Variants in AKAP11 observed in about 807,000 individuals in gnomAD.
The protein encoded by AKAP11 is A-kinase anchor protein 11.
A neutral mutation model predicts 146.1 loss-of-function variants in AKAP11; 36 were observed. The observed-to-expected ratio is 0.25, with a 90% CI of 0.19 to 0.33. AKAP11 has a LOEUF of 0.33. AKAP11 is among the 10% of genes least tolerant of loss of function. AKAP11 has a pLI of 1.00. For synonymous variants in AKAP11, 780 were observed against 786.5 expected (o/e 0.99, Z 0.14); for missense variants, 2,201 against 2,197.0 (o/e 1.00, Z -0.04).
At position 42,286,411 on chromosome 13, in the gene AKAP11, CTA is replaced by C. The variant is rs1555288515; in HGVS notation, c.51+14_51+15del. 6.3e-7 allele frequency: 1 copy of C among 1,576,440 alleles called. No homozygotes were observed. On this transcript the variant is annotated intron_variant, in intron 3 of 12. Coordinates refer to ENST00000025301, the MANE Select transcript of AKAP11 (RefSeq NM_016248.4). ...CATCTGTCAGAAAAGTAAGTTCACT[CTA>C]TTAGGTTTCTTTTAGTGAAAGTTTT...
chr13:42,312,930 A>T, intron 9 of AKAP11, 117 bp from the exon 10 acceptor site: 1 of 780,398 alleles, frequency 1.3e-6, no homozygotes, highest in Non-Finnish European at 2.1e-6. Context: ...GTTCCCCTTC[A>T]CTGTGGCAGC....
In AKAP11 at chr13:42,300,684, T is replaced by G; in HGVS notation, c.1938T>G (p.Phe646Leu). 6.2e-7 allele frequency: 1 copy of G among 1,614,134 alleles called. No individual in the cohort carries two copies. Among genetic ancestry groups the G allele is most frequent in the Middle Eastern group, 1.6e-4 (1 of 6,062 alleles). ...TATTCACAAACACAGTTGCTAGGTTTGCTGCAGATCTTGCTGAAGAGCTTG... is the reference window on the plus strand; with the variant it reads ...TATTCACAAACACAGTTGCTAGGTTGGCTGCAGATCTTGCTGAAGAGCTTG... ...KQIFTNTVAR[F>L]AADLAEELVF... The change falls in exon 8 of 13, where the codon TTT becomes TTG. Residue 646 changes from phenylalanine to leucine, a missense_variant. Phe to Leu is a conservative substitution (Grantham distance 22). Transcript: ENST00000025301.
chr13:42,300,316 A>G lies in AKAP11; in HGVS notation c.1570A>G (p.Lys524Glu), dbSNP rs754193698. The change falls in exon 8 of 13, where the codon AAA (lysine) becomes GAA (glutamate). Residue 524 changes from lysine to glutamate, a missense_variant. Around this residue, in one of 3 missense-constraint regions of AKAP11, gnomAD observed 1,867 missense variants for 1,833.5 expected, o/e 1.02. Transcript: ENST00000025301. ...NINSIKHGEN[K>E]TVTFKHGNLD... is the part of the protein sequence containing the mutation. The stretch of plus-strand genomic sequence containing the variant: ...TAACAGTATTAAACATGGAGAAAAT[A>G]AAACTGTAACTTTTAAGCATGGAAA... 6.2e-7 allele frequency: 1 copy of G among 1,611,850 alleles called. No individual in the cohort carries two copies. The highest frequency in any genetic ancestry group is 1.1e-5 in the South Asian group (1 of 90,332).
chr13:42,313,385 A>T (rs77467421), intron 10 of AKAP11, among the ~76,000 whole-genome samples: 561 of 152,130 alleles, frequency 3.7e-3, no homozygotes, highest in South Asian at 8.5e-3. Context: ...CATTCTACCA[A>T]TTATTTCATT....
chr13:42,308,774 T>C (rs750602789), intron 9 of AKAP11, among the ~76,000 whole-genome samples, 165 bp downstream of exon 9: 9 of 152,230 alleles, frequency 5.9e-5, no homozygotes, highest in Admixed American at 3.3e-4. Context: ...TTAACACTTA[T>C]TTAATACAGT....
chr13:42,303,583 G>C lies in AKAP11; in HGVS notation c.4837G>C (p.Ala1613Pro), dbSNP rs372318070. 1 of 1,614,156 alleles carries C rather than the reference G, an allele frequency of 6.2e-7. No individual in the cohort carries two copies. The highest frequency in any genetic ancestry group is 1.7e-5 in the Admixed American group (1 of 60,014). The change falls in exon 8 of 13, where the codon GCC (alanine) becomes CCC (proline). Residue 1613 changes from alanine (A) to proline (P), a missense_variant. Around this residue, in one of 3 missense-constraint regions of AKAP11, gnomAD observed 1,867 missense variants for 1,833.5 expected, o/e 1.02. Coordinates refer to ENST00000025301, the MANE Select transcript of AKAP11 (RefSeq NM_016248.4). ...SQHFFRQGSL[A>P]SSKPASNPKF... Reference sequence around the variant, plus strand: ...GCACTTTTTCAGACAGGGTTCTCTCGCCAGTAGTAAGCCAGCTTCTAATCC... The same window carrying C: ...GCACTTTTTCAGACAGGGTTCTCTCCCCAGTAGTAAGCCAGCTTCTAATCC...
intron 8 of AKAP11, among the ~76,000 whole-genome samples, chr13:42,304,855 A>G (rs746795339): frequency 4.0e-5 from 6 of 151,796 alleles, no homozygotes; most frequent in Non-Finnish European, 8.8e-5. Flanking sequence ...GGTTCAAGCG[A>G]TTCCTGTGCC....
In AKAP11 at chr13:42,320,610, G is replaced by A. The variant is rs537070939; in HGVS notation, c.*1382G>A. ...GTATGTGTGGGTGTGTGTGTATTTG[G>A]GTGTGTAAATGTTGGTTCTTCCACT... On this transcript the variant is annotated 3_prime_UTR_variant, in exon 13 of 13. Transcript: ENST00000025301. 5 of 150,590 alleles carry A rather than the reference G, an allele frequency of 3.3e-5. No individual in the cohort carries two copies. In the East Asian group the frequency reaches 7.6e-4, roughly 23 times the overall value. 9.3% of individuals were successfully genotyped at this position (150,590 alleles called of 1,614,324 possible).
intron 4 of AKAP11, among the ~76,000 whole-genome samples, chr13:42,294,325 A>C (rs577065259): frequency 4.6e-5 from 7 of 152,308 alleles, no homozygotes; most frequent in Non-Finnish European, 7.4e-5. Context: ...ATGTCTTACT[A>C]TGATGCCAAA....
chr13:42,311,145 A>G (rs1478347650), intron 9 of AKAP11, among the ~76,000 whole-genome samples: 4 of 152,202 alleles, frequency 2.6e-5, no homozygotes, highest in Admixed American at 1.3e-4. Context: ...ATGTATCACA[A>G]TCAAGACCAG....
rs553899266 is a variant in AKAP11 at position 42,279,265 on chromosome 13, A to C, written c.-99-6721A>C. Among the ~76,000 whole-genome samples, 6 of 143,344 alleles carry C rather than the reference A, an allele frequency of 4.2e-5. No homozygotes were observed. In the South Asian group the frequency reaches 9.7e-4, roughly 23 times the overall value. The allele number at this position is 143,344 out of a possible 152,430, so 94.0% of individuals were successfully genotyped here. A position where few individuals can be genotyped will look rare whatever the true frequency, so the allele number is the denominator to read the frequency against. On this transcript the variant is annotated intron_variant, in intron 1 of 12. Coordinates refer to ENST00000025301, the MANE Select transcript of AKAP11 (RefSeq NM_016248.4). The stretch of plus-strand genomic sequence containing the variant: ...CCCCAGTGCACGCACGTGCACACCC[A>C]CACACACACACACACACTCTCTCTC...
intron 1 of AKAP11, among the ~76,000 whole-genome samples, chr13:42,276,876 G>A (rs983959235): frequency 1.3e-5 from 2 of 152,274 alleles, no homozygotes; most frequent in African/African-American, 4.8e-5. Flanking sequence ...TATACTCTTA[G>A]AGTCATGGCG....
At chr13:42,296,678 C>G (rs1594324925) in intron 5 of AKAP11, among the ~76,000 whole-genome samples, 1 of 151,718 alleles carries the variant, frequency 6.6e-6, no homozygotes, top group Admixed American at 6.6e-5. Flanking sequence ...GATGTACATT[C>G]TCTAGCAAAA....
intron 8 of AKAP11, among the ~76,000 whole-genome samples, chr13:42,306,508 T>C (rs1960268905): frequency 1.3e-5 from 2 of 152,232 alleles, no homozygotes; most frequent in Non-Finnish European, 2.9e-5. Flanking sequence ...TGTAAGCCAG[T>C]GCTGTCCAAT....
intron 1 of AKAP11, among the ~76,000 whole-genome samples, chr13:42,276,942 T>C (rs1226392077): frequency 1.3e-5 from 2 of 152,240 alleles, no homozygotes; most frequent in African/African-American, 4.8e-5. Context: ...TCTGAACATA[T>C]TTTCTGTTAG....
In AKAP11 at chr13:42,301,025, A is replaced by C; in HGVS notation, c.2279A>C (p.Tyr760Ser). The C allele has an allele frequency of 6.2e-7, 1 of 1,614,166 alleles. No homozygotes were observed. The highest frequency in any genetic ancestry group is 8.5e-7 in the Non-Finnish European group (1 of 1,179,974). Residue 760 changes from tyrosine to serine, a missense_variant, in exon 8 of 13, where the codon TAT becomes TCT. Physicochemically the swap from Tyr to Ser is moderately radical, Grantham distance 144. Transcript: ENST00000025301. ...AIMVTKPVQE[Y>S]KKEYTVQQAL... Reference sequence around the variant, plus strand: ...ATGGTGACAAAACCAGTGCAGGAATATAAAAAGGAATACACAGTGCAGCAG... The same window carrying C: ...ATGGTGACAAAACCAGTGCAGGAATCTAAAAAGGAATACACAGTGCAGCAG...
At chr13:42,314,483 G>T (rs1308892923) in intron 11 of AKAP11, among the ~76,000 whole-genome samples, 1 of 148,438 alleles carries the variant, frequency 6.7e-6, no homozygotes, top group African/African-American at 2.5e-5. Flanking sequence ...AATACTTTAT[G>T]AGAATTATTT....
At chr13:42,273,224 C>CCCCATTTTT (rs1958822953) in intron 1 of AKAP11, among the ~76,000 whole-genome samples, 1 of 152,094 alleles carries the variant, frequency 6.6e-6, no homozygotes, top group Non-Finnish European at 1.5e-5. Flanking sequence ...TCTGAAAATA[C>CCCCATTTTT]TCAAAATATG....
chr13:42,312,910 C>A, intron 9 of AKAP11, 137 bp from the exon 10 acceptor site: 1 of 688,466 alleles, frequency 1.5e-6, no homozygotes, highest in Non-Finnish European at 2.5e-6. Context: ...GGTCAATCTC[C>A]TCTCTGGATG....
Sources: gnomAD v4.1 joint callset for allele counts (sites outside exome capture counted in the v4.1 genomes callset) on GRCh38, gnomAD v4.1.1 for gene constraint, gnomAD v4.1.1 regional missense constraint, MANE v1.5 for transcripts, NCBI Gene and HGNC (gene_info 2026-07-23, HGNC 2026-07-21) for gene names.